The following SYT14 variants were observed in gnomAD, a reference collection of about 807,000 sequenced individuals.
The protein encoded by SYT14 is synaptotagmin-14.
Under a neutral mutation model 74.2 loss-of-function variants are expected in SYT14, and 32 were observed. The observed-to-expected ratio is 0.43, with a 90% CI of 0.33 to 0.58. The LOEUF (loss-of-function observed/expected upper bound fraction) is 0.58. Among genes scored for constraint, SYT14 ranks in the 20% least tolerant of loss-of-function variants. The pLI is 0.05. For synonymous variants in SYT14, 298 were observed against 337.7 expected (o/e 0.88, Z 1.29); for missense variants, 791 against 981.8 (o/e 0.81, Z 2.60).
exon 4 of SYT14, chr1:210,016,371 A>G: frequency 8.1e-7 from 1 of 1,232,096 alleles, no homozygotes; most frequent in Non-Finnish European, 1.0e-6. Context: ...AAACATGTTA[A>G]TGATAGGCAA....
chr1:209,948,609 G>A (rs1487199001), intron 1 of SYT14, among the ~76,000 whole-genome samples: 3 of 151,966 alleles, frequency 2.0e-5, no homozygotes, highest in African/African-American at 7.3e-5. Context: ...TTAAAGGATT[G>A]GAAAACAATT....
In SYT14 at chr1:209,961,330, T is replaced by G. The variant is rs979671010; in HGVS notation, c.-486+8574T>G. ...CAGATTTCTTGCTTAGTGACCAAAC[T>G]TGACTTTCAAGGCTTTTATAGTTCT... On this transcript the variant is annotated intron_variant, in intron 2 of 9. Transcript: ENST00000637265. 9.2e-5 allele frequency among the ~76,000 whole-genome samples: 14 copies of G among 152,282 alleles called. 1 individual carries two copies. The highest frequency in any genetic ancestry group is 3.1e-4 in the African/African-American group (13 of 41,578).
exon 10 of SYT14, chr1:210,166,469 G>A (rs2083456549): frequency 6.6e-6 from 1 of 152,356 alleles, no homozygotes; most frequent in Admixed American, 6.5e-5. Flanking sequence ...AGGAGGCTTA[G>A]GTGGGAGAAT....
At chr1:210,160,887 G>C (rs760565965) in exon 10 of SYT14, 1 of 1,613,992 alleles carries the variant, frequency 6.2e-7, no homozygotes, top group South Asian at 1.1e-5. Flanking sequence ...CATACTGTCT[G>C]TGTATAACAA....
intron 5 of SYT14, among the ~76,000 whole-genome samples, chr1:210,037,120 T>C (rs547852362): frequency 1.3e-5 from 2 of 152,172 alleles, no homozygotes; most frequent in Admixed American, 1.3e-4. Flanking sequence ...TCATTATTGG[T>C]CTGTTCAGAA....
intron 2 of SYT14, among the ~76,000 whole-genome samples, chr1:209,974,840 A>G (rs929988650): frequency 1.3e-5 from 2 of 152,204 alleles, no homozygotes; most frequent in Admixed American, 6.5e-5. Context: ...ATTCCTACCT[A>G]TGAGCATGGA....
At chr1:210,121,648 G>T (rs1386668494) in intron 7 of SYT14, among the ~76,000 whole-genome samples, 1 of 151,964 alleles carries the variant, frequency 6.6e-6, no homozygotes, top group African/African-American at 2.4e-5. Flanking sequence ...CAAAAAATTA[G>T]CCAGGCGTGG....
At chr1:210,126,702 C>T (rs1297556897) in intron 7 of SYT14, among the ~76,000 whole-genome samples, 3 of 152,154 alleles carry the variant, frequency 2.0e-5, no homozygotes, top group African/African-American at 7.2e-5. Context: ...TTTTCATCAT[C>T]GGTACTGGTA....
At chr1:210,111,506 C>T (rs1180977036) in intron 7 of SYT14, among the ~76,000 whole-genome samples, 6 of 150,864 alleles carry the variant, frequency 4.0e-5, no homozygotes, top group Non-Finnish European at 8.8e-5. Context: ...GTTGGGGTGG[C>T]GAACATTTTT....
intron 2 of SYT14, among the ~76,000 whole-genome samples, chr1:210,007,098 C>A (rs192480010): frequency 8.6e-4 from 131 of 151,574 alleles, no homozygotes; most frequent in African/African-American, 2.9e-3. Flanking sequence ...ATGAATTTTA[C>A]CACTGTTACT....
At chr1:210,114,088 G>A (rs1572327242) in intron 7 of SYT14, among the ~76,000 whole-genome samples, 2 of 151,532 alleles carry the variant, frequency 1.3e-5, no homozygotes, top group South Asian at 2.1e-4. Context: ...CCGCTATGCC[G>A]AGAAGATCTG....
intron 7 of SYT14, among the ~76,000 whole-genome samples, chr1:210,116,476 T>A (rs111762189): frequency 2.0e-4 from 31 of 152,136 alleles, no homozygotes; most frequent in African/African-American, 7.2e-4. Flanking sequence ...CCTCCCAAGT[T>A]GCCAGGACCA....
intron 7 of SYT14, among the ~76,000 whole-genome samples, chr1:210,121,605 T>G (rs940313903): frequency 2.0e-5 from 3 of 151,954 alleles, no homozygotes; most frequent in Admixed American, 6.6e-5. Context: ...CCATCCTGGC[T>G]AACATGGTGA....
chr1:210,135,067 A>G (rs1262485962), intron 7 of SYT14, among the ~76,000 whole-genome samples: 1 of 149,450 alleles, frequency 6.7e-6, no homozygotes, highest in Non-Finnish European at 1.5e-5. Context: ...TGCAACCTCC[A>G]CCTCCCGGGT....
chr1:210,028,527 T>A (rs2080462564), intron 5 of SYT14, among the ~76,000 whole-genome samples: 1 of 152,200 alleles, frequency 6.6e-6, no homozygotes, highest in African/African-American at 2.4e-5. Flanking sequence ...ATACCCTATT[T>A]GTCTTTTTGT....
chr1:210,076,703 C>T (rs1486166713), intron 5 of SYT14, among the ~76,000 whole-genome samples: 1 of 152,098 alleles, frequency 6.6e-6, no homozygotes, highest in African/African-American at 2.4e-5. Context: ...AATGGGGAGC[C>T]AGCGCTTCAC....
intron 7 of SYT14, among the ~76,000 whole-genome samples, chr1:210,102,394 C>CT (rs1241527096): frequency 6.6e-6 from 1 of 152,052 alleles, no homozygotes; most frequent in Admixed American, 6.6e-5. Context: ...TTTAATTGTT[C>CT]TTTTTTGTCA....
chr1:210,016,246 CA>C lies in SYT14; in HGVS notation c.248del (p.Asn83ThrfsTer11). On this transcript the variant is annotated frameshift_variant, in exon 4 of 10. Transcript: ENST00000637265. LOFTEE classifies it high-confidence loss of function. ...AAAATGCCGGGTTAACAGAAGTCTC[CA>C]AAAACACTAATTGTCAGAAAACACA... 8.1e-7 allele frequency: 1 copy of C among 1,232,062 alleles called. No homozygotes were observed. Among genetic ancestry groups the C allele is most frequent in the Non-Finnish European group, 1.0e-6 (1 of 987,946 alleles). The allele number at this position is 1,232,062 out of a possible 1,614,324, so 76.3% of individuals were successfully genotyped here. A position where few individuals can be genotyped will look rare whatever the true frequency, so the allele number is the denominator to read the frequency against.
At chr1:209,950,302 A>AT (rs2078891924) in intron 1 of SYT14, among the ~76,000 whole-genome samples, 3 of 152,178 alleles carry the variant, frequency 2.0e-5, no homozygotes, top group African/African-American at 7.2e-5. Context: ...ATATATTAAT[A>AT]CATTATAGTT....
Sources: allele counts gnomAD v4.1 joint callset (sites outside exome capture counted in the v4.1 genomes callset), GRCh38; gene constraint gnomAD v4.1.1; transcripts MANE v1.5; gene names NCBI Gene and HGNC (gene_info 2026-07-23, HGNC 2026-07-21).